The following NFILZ variants were observed in gnomAD, a reference collection of about 807,000 sequenced individuals.
NFILZ encodes the protein NFIL3 like protein.
chr19:8,647,775 ACATGCGCGCGCG>A (rs2042945639), intron 3 of NFILZ, among the ~76,000 whole-genome samples: 1 of 109,378 alleles, frequency 9.1e-6, no homozygotes, highest in East Asian at 2.7e-4. Flanking sequence ...ACACACGCAC[ACATGCGCGCGCG>A]CGCGCGCGCA....
chr19:8,648,103 G>A (rs1430196588), intron 3 of NFILZ, among the ~76,000 whole-genome samples: 1 of 148,030 alleles, frequency 6.8e-6, no homozygotes, highest in Non-Finnish European at 1.5e-5. Context: ...GAACCTGGGA[G>A]GTGGAGCTTG....
chr19:8,657,868 A>G (rs1555748666), intron 3 of NFILZ, among the ~76,000 whole-genome samples: 1 of 152,042 alleles, frequency 6.6e-6, no homozygotes, highest in African/African-American at 2.4e-5. Flanking sequence ...CATGGGCCAA[A>G]AGAGCTAGAT....
chr19:8,657,018 G>T (rs575350326), intron 3 of NFILZ, among the ~76,000 whole-genome samples: 5 of 152,072 alleles, frequency 3.3e-5, no homozygotes, highest in Non-Finnish European at 7.4e-5. Flanking sequence ...GTTGTTGTAA[G>T]GATTTGGGGT....
intron 3 of NFILZ, among the ~76,000 whole-genome samples, chr19:8,639,896 C>T (rs1233575824): frequency 2.0e-5 from 3 of 152,166 alleles, no homozygotes; most frequent in African/African-American, 7.2e-5. Context: ...ATCTCTCTAA[C>T]ACTATTTAAA....
chr19:8,648,533 T>C (rs1305695790), intron 3 of NFILZ, among the ~76,000 whole-genome samples: 3 of 151,922 alleles, frequency 2.0e-5, no homozygotes, highest in African/African-American at 7.3e-5. Flanking sequence ...AAAAGGCAGA[T>C]GTGGCTGGGC....
At position 8,678,529 on chromosome 19, in the gene NFILZ, C is replaced by T. The variant is rs1337400725; in HGVS notation, c.*894C>T. Reference sequence around the variant, plus strand: ...CCACACACCTATCCATTCATCCATTCATACATCAATTTATTCTCCATCCAT... The same window carrying T: ...CCACACACCTATCCATTCATCCATTTATACATCAATTTATTCTCCATCCAT... On this transcript the variant is annotated 3_prime_UTR_variant, in exon 6 of 6. Coordinates refer to ENST00000691075, the MANE Select transcript of NFILZ (RefSeq NM_001378600.1). 2.0e-5 allele frequency among the ~76,000 whole-genome samples: 3 copies of T among 148,040 alleles called. No homozygotes were observed. The highest frequency in any genetic ancestry group is 7.4e-5 in the African/African-American group (3 of 40,278).
intron 3 of NFILZ, among the ~76,000 whole-genome samples, chr19:8,650,024 A>G (rs568434188): frequency 6.6e-6 from 1 of 151,354 alleles, no homozygotes; most frequent in East Asian, 2.0e-4. Flanking sequence ...CTGAGGCAGG[A>G]GAATGGCGTG....
At chr19:8,663,720 G>GTT (rs1555749420) in intron 3 of NFILZ, among the ~76,000 whole-genome samples, 1 of 83,168 alleles carries the variant, frequency 1.2e-5, no homozygotes. Flanking sequence ...GTGTGTGTGT[G>GTT]TTTGTGTGTG....
chr19:8,644,047 T>A (rs1259014132), intron 3 of NFILZ, among the ~76,000 whole-genome samples: 2 of 152,064 alleles, frequency 1.3e-5, no homozygotes, highest in Non-Finnish European at 2.9e-5. Context: ...CAAATGCACG[T>A]ATTGAAGCCC....
At chr19:8,648,848 T>C (rs1451262539) in intron 3 of NFILZ, among the ~76,000 whole-genome samples, 6 of 140,238 alleles carry the variant, frequency 4.3e-5, no homozygotes, top group Non-Finnish European at 3.1e-5. Context: ...AGTGAGACTC[T>C]GCTTAAAAAA....
intron 3 of NFILZ, among the ~76,000 whole-genome samples, chr19:8,641,780 C>T (rs1167302515): frequency 1.3e-5 from 2 of 152,000 alleles, no homozygotes; most frequent in African/African-American, 4.8e-5. Flanking sequence ...ATGAGGATCA[C>T]ATGACACATA....
intron 3 of NFILZ, among the ~76,000 whole-genome samples, chr19:8,647,426 G>T (rs1555747170): frequency 2.0e-5 from 3 of 152,110 alleles, no homozygotes; most frequent in East Asian, 3.9e-4. Context: ...ACAAAAATTA[G>T]CTGGGCATGG....
At chr19:8,656,473 CTT>C (rs2043002163) in intron 3 of NFILZ, among the ~76,000 whole-genome samples, 1 of 60,856 alleles carries the variant, frequency 1.6e-5, no homozygotes. Context: ...TGAAGCCCAC[CTT>C]CTCCCGCAGC....
intron 3 of NFILZ, among the ~76,000 whole-genome samples, chr19:8,644,772 C>CTT (rs5827010): frequency 2.5e-4 from 37 of 146,838 alleles, no homozygotes; most frequent in Middle Eastern, 3.5e-3. Flanking sequence ...AGCCAGATGA[C>CTT]TTTTTTTTTT....
At position 8,644,259 on chromosome 19, in the gene NFILZ, C is replaced by A. The variant is rs1488875182; in HGVS notation, c.-164+8513C>A. Reference sequence around the variant, plus strand: ...GGGATTACAGGCGATTGCTACCATGCCCAACTAATTTTTGTACTTTTAGTA... The same window carrying A: ...GGGATTACAGGCGATTGCTACCATGACCAACTAATTTTTGTACTTTTAGTA... On this transcript the variant is annotated intron_variant, in intron 3 of 5. Transcript: ENST00000691075. Among the ~76,000 whole-genome samples the A allele has an allele frequency of 3.3e-5, 5 of 151,986 alleles. No individual in the cohort carries two copies. In the East Asian group the frequency reaches 9.6e-4, roughly 29 times the overall value.
At chr19:8,662,938 CT>C (rs1458651210) in intron 3 of NFILZ, among the ~76,000 whole-genome samples, 1 of 148,074 alleles carries the variant, frequency 6.8e-6, no homozygotes, top group Non-Finnish European at 1.5e-5. Context: ...CTAAATTTTT[CT>C]TTTTCTTTTT....
chr19:8,644,233 T>A (rs2042929966), intron 3 of NFILZ, among the ~76,000 whole-genome samples: 2 of 152,062 alleles, frequency 1.3e-5, no homozygotes, highest in Non-Finnish European at 2.9e-5. Context: ...ACCAAGTAGC[T>A]GGGATTACAG....
chr19:8,656,297 C>T (rs1259327894), intron 3 of NFILZ, among the ~76,000 whole-genome samples: 4 of 114,292 alleles, frequency 3.5e-5, no homozygotes, highest in Admixed American at 2.8e-4. Context: ...CACAGCCCAC[C>T]TCCTCCCGCA....
chr19:8,651,648 C>T (rs1489576882), intron 3 of NFILZ, among the ~76,000 whole-genome samples: 1 of 152,178 alleles, frequency 6.6e-6, no homozygotes, highest in Non-Finnish European at 1.5e-5. Flanking sequence ...CCTCCTACCT[C>T]AGTCTCCTGA....
Sources: allele counts gnomAD v4.1 joint callset (sites outside exome capture counted in the v4.1 genomes callset), GRCh38; gene constraint gnomAD v4.1.1; transcripts MANE v1.5; gene names NCBI Gene and HGNC (gene_info 2026-07-23, HGNC 2026-07-21).